The following PLA2G4A variants were observed in gnomAD, a reference collection of about 807,000 sequenced individuals.
PLA2G4A encodes the protein phospholipase A2 group IVA.
Under a neutral mutation model 81.9 loss-of-function variants are expected in PLA2G4A, and 40 were observed. The ratio of observed to expected loss-of-function variants is 0.49; its 90% CI spans 0.38 to 0.64. PLA2G4A has a LOEUF of 0.64. Among genes scored for constraint, PLA2G4A ranks in the 30% least tolerant of loss-of-function variants. The probability of loss-of-function intolerance (pLI) is 0.00; values close to 1 mark genes in which losing one functional copy is unlikely to be tolerated. For synonymous variants in PLA2G4A, 302 were observed against 296.9 expected, an observed-to-expected ratio of 1.02 and a Z score of -0.18; for missense variants, 715 against 905.1, an observed-to-expected ratio of 0.79 and a Z score of 2.69.
intron 7 of PLA2G4A, among the ~76,000 whole-genome samples, chr1:186,917,830 G>C (rs1342464598): frequency 6.6e-6 from 1 of 152,230 alleles, no homozygotes; most frequent in Non-Finnish European, 1.5e-5. Context: ...TGCTCCATAA[G>C]CTTGTATGTG....
At chr1:186,829,796 A>G (rs1174001068) in intron 1 of PLA2G4A, among the ~76,000 whole-genome samples, 4 of 152,238 alleles carry the variant, frequency 2.6e-5, no homozygotes, top group Admixed American at 1.3e-4. Flanking sequence ...CCTACAATTT[A>G]TAATCATTTT....
chr1:186,974,319 AC>A (rs1371953690), intron 15 of PLA2G4A, among the ~76,000 whole-genome samples: 3 of 151,716 alleles, frequency 2.0e-5, no homozygotes, highest in Non-Finnish European at 4.4e-5. Context: ...ATATGGTGAA[AC>A]CCCTTCTCTA....
Position 186,893,133 on chromosome 1 carries a change from G to T in PLA2G4A, c.238G>T (p.Asp80Tyr), listed in dbSNP as rs1364529753. 1 of 1,612,838 alleles carries T rather than the reference G, an allele frequency of 6.2e-7. No homozygotes were observed. Among genetic ancestry groups the T allele is most frequent in the Non-Finnish European group, 8.5e-7 (1 of 1,178,926 alleles). Reference protein sequence around the residue: ...VWNETFEFILDPNQENVLEIT... With the variant: ...VWNETFEFILYPNQENVLEIT... ...GAATGAGACCTTTGAATTTATTTTG[G>T]ATCCTAATCAGGAAAATGTTTTGGA... The change falls in exon 4 of 18, where the codon GAT (aspartate) becomes TAT (tyrosine). Residue 80 changes from aspartate to tyrosine, a missense_variant. Physicochemically the swap from Asp to Tyr is radical, Grantham distance 160. Coordinates refer to ENST00000367466, the MANE Select transcript of PLA2G4A (RefSeq NM_024420.3).
chr1:186,957,343 G>A (rs916437255), intron 14 of PLA2G4A, among the ~76,000 whole-genome samples: 5 of 152,198 alleles, frequency 3.3e-5, no homozygotes, highest in South Asian at 2.1e-4. Flanking sequence ...TTATAAAATC[G>A]TTCCAAACCT....
At chr1:186,963,929 A>G (rs916830707) in intron 14 of PLA2G4A, among the ~76,000 whole-genome samples, 4 of 152,242 alleles carry the variant, frequency 2.6e-5, no homozygotes, top group East Asian at 3.8e-4. Flanking sequence ...TTAATTGGAC[A>G]AGAAGAATTT....
At chr1:186,873,075 A>C (rs1653341100) in intron 3 of PLA2G4A, among the ~76,000 whole-genome samples, 1 of 152,000 alleles carries the variant, frequency 6.6e-6, no homozygotes, top group South Asian at 2.1e-4. Flanking sequence ...ATGAGTGCAC[A>C]AGAGTCGGGA....
chr1:186,851,906 G>T (rs1269632292), intron 1 of PLA2G4A, among the ~76,000 whole-genome samples: 1 of 151,878 alleles, frequency 6.6e-6, no homozygotes, highest in Non-Finnish European at 1.5e-5. Context: ...AGAGATAAAG[G>T]AGAAACTCAT....
chr1:186,841,376 A>G lies in PLA2G4A; in HGVS notation c.-70+12341A>G, dbSNP rs553940132. On this transcript the variant is annotated intron_variant, in intron 1 of 17. Transcript: ENST00000367466. ...TTAAGATTTTAGCCAAACTAAAATT[A>G]TATATATGTTATTTTAATTTTGGCT... is the stretch of plus-strand genomic sequence containing the variant. 5.1e-4 allele frequency among the ~76,000 whole-genome samples: 77 copies of G among 152,322 alleles called. 1 individual carries two copies. Among genetic ancestry groups the G allele is most frequent in the South Asian group, 3.7e-3 (18 of 4,822 alleles).
chr1:186,833,470 G>T (rs1199443945), intron 1 of PLA2G4A, among the ~76,000 whole-genome samples: 12 of 152,136 alleles, frequency 7.9e-5, no homozygotes, highest in Non-Finnish European at 1.3e-4. Flanking sequence ...ATGAATTTCA[G>T]TTCTGGCCAA....
intron 2 of PLA2G4A, among the ~76,000 whole-genome samples, chr1:186,867,039 GGTTT>G (rs1473570633): frequency 4.6e-5 from 7 of 151,888 alleles, no homozygotes; most frequent in Non-Finnish European, 8.8e-5. Flanking sequence ...CCATTGATCT[GGTTT>G]GTTTGTTTAT....
At chr1:186,962,485 A>T (rs979725278) in intron 14 of PLA2G4A, among the ~76,000 whole-genome samples, 1 of 124,760 alleles carries the variant, frequency 8.0e-6, no homozygotes, top group Non-Finnish European at 1.6e-5. Flanking sequence ...TAGTTATTTT[A>T]TTTTATTTAT....
chr1:186,971,963 G>C (rs1657371332), intron 15 of PLA2G4A, among the ~76,000 whole-genome samples: 1 of 152,008 alleles, frequency 6.6e-6, no homozygotes. Flanking sequence ...GAGCATAAAT[G>C]CTGGGCAAAA....
chr1:186,848,519 T>C (rs1003564667), intron 1 of PLA2G4A, among the ~76,000 whole-genome samples: 1 of 152,174 alleles, frequency 6.6e-6, no homozygotes. Flanking sequence ...GGGTTAATTC[T>C]TTTTCTCTTT....
At chr1:186,960,171 A>G (rs556419919) in intron 14 of PLA2G4A, among the ~76,000 whole-genome samples, 3 of 152,266 alleles carry the variant, frequency 2.0e-5, no homozygotes, top group Admixed American at 2.0e-4. Flanking sequence ...CAAATTTTGG[A>G]GAGCTTTTTA....
At chr1:186,867,044 G>A (rs1653060157) in intron 2 of PLA2G4A, among the ~76,000 whole-genome samples, 3 of 151,910 alleles carry the variant, frequency 2.0e-5, no homozygotes, top group Admixed American at 2.0e-4. Flanking sequence ...GATCTGGTTT[G>A]TTTGTTTATT....
intron 3 of PLA2G4A, among the ~76,000 whole-genome samples, chr1:186,889,860 A>G (rs947783294): frequency 6.6e-6 from 1 of 151,166 alleles, no homozygotes; most frequent in Non-Finnish European, 1.5e-5. Context: ...TCCTCTTTCC[A>G]TAGAATCCAT....
At chr1:186,858,075 A>C (rs1439229989) in intron 2 of PLA2G4A, among the ~76,000 whole-genome samples, 1 of 152,124 alleles carries the variant, frequency 6.6e-6, no homozygotes, top group Non-Finnish European at 1.5e-5. Flanking sequence ...ATACATGTGC[A>C]TGTGTCTTTA....
chr1:186,961,801 A>G (rs905382772), intron 14 of PLA2G4A, among the ~76,000 whole-genome samples: 6 of 152,228 alleles, frequency 3.9e-5, no homozygotes. Flanking sequence ...TCATTAGATT[A>G]GGGAAAATCA....
At position 186,937,251 on chromosome 1, in the gene PLA2G4A, AAAAG is replaced by A. The variant is rs1464041075; in HGVS notation, c.696-1755_696-1752del. On this transcript the variant is annotated intron_variant, in intron 8 of 17. Coordinates refer to ENST00000367466, the MANE Select transcript of PLA2G4A (RefSeq NM_024420.3). ...CAAGCCAACTGCTTCATGAGACGGGAAAAGAGAGAGAGAGAGAGAGAGAGAGAAC... is the reference window on the plus strand; with the variant it reads ...CAAGCCAACTGCTTCATGAGACGGGAAGAGAGAGAGAGAGAGAGAGAGAAC... 1.3e-4 allele frequency among the ~76,000 whole-genome samples: 16 copies of A among 125,428 alleles called. No homozygotes were observed. The South Asian group carries it at 1.9e-3, about 15-fold the overall frequency. 82.3% of individuals were successfully genotyped at this position (125,428 alleles called of 152,430 possible).
Sources: gnomAD v4.1 joint callset for allele counts (sites outside exome capture counted in the v4.1 genomes callset) on GRCh38, gnomAD v4.1.1 for gene constraint, MANE v1.5 for transcripts, NCBI Gene and HGNC (gene_info 2026-07-23, HGNC 2026-07-21) for gene names.